The following PCSK5 variants were observed in gnomAD, a reference collection of about 807,000 sequenced individuals.
PCSK5 encodes the protein prohormone convertase 5.
A neutral mutation model predicts 233.2 loss-of-function variants in PCSK5; 129 were observed. The ratio of observed to expected loss-of-function variants is 0.55; its 90% CI spans 0.48 to 0.64. The LOEUF (loss-of-function observed/expected upper bound fraction) is 0.64, where lower values mean the gene tolerates loss of function less well. PCSK5 is among the 30% of genes least tolerant of loss of function. The probability of loss-of-function intolerance (pLI) is 0.00; values close to 1 mark genes in which losing one functional copy is unlikely to be tolerated. For missense variants in PCSK5, 2,076 were observed against 2,430.1 expected, an observed-to-expected ratio of 0.85 and a Z score of 3.06; for synonymous variants, 825 against 879.2, an observed-to-expected ratio of 0.94 and a Z score of 1.09.
At chr9:76,202,735 G>T (rs914249523) in intron 20 of PCSK5, among the ~76,000 whole-genome samples, 1 of 152,016 alleles carries the variant, frequency 6.6e-6, no homozygotes, top group Non-Finnish European at 1.5e-5. Flanking sequence ...AACAGAGAAG[G>T]TTAGATCTCC....
chr9:75,988,272 T>G (rs1826611298), intron 3 of PCSK5, among the ~76,000 whole-genome samples: 1 of 152,076 alleles, frequency 6.6e-6, no homozygotes, highest in African/African-American at 2.4e-5. Flanking sequence ...TTTATGAGGT[T>G]TTTCTTTTTT....
At chr9:76,134,249 AT>A in intron 10 of PCSK5, 37 bp downstream of exon 10, 3 of 1,278,926 alleles carry the variant, frequency 2.3e-6, no homozygotes, top group Non-Finnish European at 3.3e-6. Context: ...CAGGCAAAAT[AT>A]TTTTATTTTT....
chr9:75,940,397 A>T (rs1824247600), intron 2 of PCSK5, among the ~76,000 whole-genome samples: 1 of 152,236 alleles, frequency 6.6e-6, no homozygotes. Flanking sequence ...TGTTACATTT[A>T]TCCATAAGCC....
intron 24 of PCSK5, among the ~76,000 whole-genome samples, chr9:76,266,569 T>G (rs1470126634): frequency 6.6e-6 from 1 of 152,220 alleles, no homozygotes; most frequent in Non-Finnish European, 1.5e-5. Context: ...CATGCCAGAA[T>G]CTATGAGCCT....
At chr9:75,961,793 T>G (rs1825366315) in intron 2 of PCSK5, among the ~76,000 whole-genome samples, 1 of 152,238 alleles carries the variant, frequency 6.6e-6, no homozygotes, top group Non-Finnish European at 1.5e-5. Flanking sequence ...GATAATATTT[T>G]GGATATGCTG....
chr9:75,930,709 A>G (rs1823749550), intron 1 of PCSK5, among the ~76,000 whole-genome samples: 1 of 152,112 alleles, frequency 6.6e-6, no homozygotes, highest in Admixed American at 6.5e-5. Context: ...TCCTTATGGA[A>G]ATTCTGTTTC....
chr9:75,891,533 A>ACACACACACACACACACACG (rs1825600041), intron 1 of PCSK5, among the ~76,000 whole-genome samples, 160 bp downstream of exon 1: 3 of 676 alleles, frequency 4.4e-3, no homozygotes, highest in Admixed American at 0.026. Context: ...GCGCGTACGC[A>ACACACACACACACACACACG]CACACACACA....
chr9:76,189,892 A>AACTT, intron 20 of PCSK5, 146 bp downstream of exon 20: 1 of 565,894 alleles, frequency 1.8e-6, no homozygotes, highest in Non-Finnish European at 3.1e-6. Flanking sequence ...ATTCATCTTG[A>AACTT]ACTTATGCCC....
At position 76,354,180 on chromosome 9, in the gene PCSK5, C is replaced by A; in HGVS notation, c.5215C>A (p.Pro1739Thr). 1 of 1,589,216 alleles carries A rather than the reference C, an allele frequency of 6.3e-7. No homozygotes were observed. Among genetic ancestry groups the A allele is most frequent in the East Asian group, 2.3e-5 (1 of 43,652 alleles). ...CLHCCNTSDP[P>T]SAQECCDCQD... is the part of the protein sequence containing the mutation. ...CCACTGCTGCAACACCTCTGATCCC[C>A]CCAGTGCCCAGGAGTGCTGTGACTG... The change falls in exon 37 of 38, where the codon CCC becomes ACC. Residue 1739 changes from proline (P) to threonine (T), a missense_variant. Pro to Thr is a conservative substitution (Grantham distance 38, BLOSUM62 -1). Transcript: ENST00000674117.
chr9:75,920,947 A>AT (rs1433488166), intron 1 of PCSK5, among the ~76,000 whole-genome samples: 2 of 152,040 alleles, frequency 1.3e-5, no homozygotes, highest in African/African-American at 2.4e-5. Context: ...ATTTTCTAAA[A>AT]TTTTTTTTGA....
At chr9:76,059,716 T>C (rs1318604251) in intron 5 of PCSK5, among the ~76,000 whole-genome samples, 5 of 152,172 alleles carry the variant, frequency 3.3e-5, no homozygotes, top group Admixed American at 3.3e-4. Flanking sequence ...CTGAAAATTC[T>C]GAGGAATTAG....
At chr9:76,007,904 C>T (rs1827554753) in intron 3 of PCSK5, among the ~76,000 whole-genome samples, 1 of 151,666 alleles carries the variant, frequency 6.6e-6, no homozygotes, top group Admixed American at 6.6e-5. Flanking sequence ...TAGTCTCAAA[C>T]TCCTGAGATA....
intron 30 of PCSK5, among the ~76,000 whole-genome samples, chr9:76,315,725 CA>C (rs1469928147): frequency 1.3e-5 from 2 of 150,828 alleles, no homozygotes; most frequent in African/African-American, 4.9e-5. Context: ...TTCTGCCTCC[CA>C]GGTTCAAGCG....
At chr9:76,302,928 T>G (rs1223095309) in intron 28 of PCSK5, among the ~76,000 whole-genome samples, 3 of 149,924 alleles carry the variant, frequency 2.0e-5, no homozygotes. Flanking sequence ...TTCTGAAGAA[T>G]GGACACTGCA....
chr9:76,251,394 T>C (rs1447768378), intron 24 of PCSK5, among the ~76,000 whole-genome samples: 1 of 151,892 alleles, frequency 6.6e-6, no homozygotes, highest in Non-Finnish European at 1.5e-5. Flanking sequence ...AAACCCCGTC[T>C]CTATTAAAAA....
chr9:76,053,786 CCTCCAAGTCTCTA>C (rs1369774504), intron 5 of PCSK5, among the ~76,000 whole-genome samples: 1 of 152,158 alleles, frequency 6.6e-6, no homozygotes, highest in Non-Finnish European at 1.5e-5. Flanking sequence ...TCTTCTGAGC[CCTCCAAGTCTCTA>C]GGAAGTTCCA....
intron 2 of PCSK5, among the ~76,000 whole-genome samples, chr9:75,964,886 A>G (rs997951435): frequency 4.6e-5 from 7 of 151,964 alleles, no homozygotes; most frequent in East Asian, 1.9e-4. Flanking sequence ...CTTCATGCCA[A>G]TGGCGGGGGT....
chr9:76,096,131 T>C (rs772908685), intron 8 of PCSK5, 29 bp downstream of exon 8: 1 of 1,486,878 alleles, frequency 6.7e-7, no homozygotes. Flanking sequence ...CCCATCATGA[T>C]CTGTTTATTT....
At chr9:76,109,449 A>C (rs1832115812) in intron 9 of PCSK5, among the ~76,000 whole-genome samples, 1 of 151,636 alleles carries the variant, frequency 6.6e-6, no homozygotes, top group Non-Finnish European at 1.5e-5. Flanking sequence ...TAAAAAAAAA[A>C]CAGTTCTTTT....
Sources: allele counts gnomAD v4.1 joint callset (sites outside exome capture counted in the v4.1 genomes callset), GRCh38; gene constraint gnomAD v4.1.1; transcripts MANE v1.5; gene names NCBI Gene and HGNC (gene_info 2026-07-23, HGNC 2026-07-21).